Variants in CLCA4 observed in about 807,000 individuals in gnomAD.
CLCA4 encodes the protein chloride channel accessory 4.
Under a neutral mutation model 78.9 loss-of-function variants are expected in CLCA4, and 69 were observed. The observed-to-expected ratio is 0.87, with a 90% CI of 0.72 to 1.07. CLCA4 has a LOEUF of 1.07. Among genes scored for constraint, CLCA4 ranks in the 50% least tolerant of loss-of-function variants. The pLI, the probability that CLCA4 is intolerant of heterozygous loss-of-function variation, is 0.00. For missense variants in CLCA4, 1,133 were observed against 1,095.8 expected (o/e 1.03, Z -0.48); for synonymous variants, 362 against 375.8 (o/e 0.96, Z 0.42).
intron 13 of CLCA4, 60 bp from the exon 14 acceptor site, chr1:86,579,882 A>T: frequency 8.9e-7 from 1 of 1,123,112 alleles, no homozygotes; most frequent in Non-Finnish European, 1.3e-6. Flanking sequence ...GAGAATAAAT[A>T]AAAAGGAATG....
rs569527875 is a variant in CLCA4 at position 86,552,360 on chromosome 1, G to A, written c.159+5082G>A. Among the ~76,000 whole-genome samples, 29 of 152,346 alleles carry A rather than the reference G, an allele frequency of 1.9e-4. No homozygotes were observed. The South Asian group carries it at 5.6e-3, about 29-fold the overall frequency. Reference sequence around the variant, plus strand: ...AAAGAGAGACGAAGGGCCCAGGGCTGTAAGGACGTCAGGACCGGTCCAGAG... The same window carrying A: ...AAAGAGAGACGAAGGGCCCAGGGCTATAAGGACGTCAGGACCGGTCCAGAG... On this transcript the variant is annotated intron_variant, in intron 1 of 13. Transcript: ENST00000370563.
chr1:86,579,285 G>T (rs1650629945), intron 12 of CLCA4, 69 bp from the exon 13 acceptor site: 1 of 1,129,816 alleles, frequency 8.9e-7, no homozygotes, highest in African/African-American at 1.5e-5. Flanking sequence ...AAGTGAAGAA[G>T]GTGATTCACT....
At chr1:86,560,580 C>A (rs1186742852) in intron 3 of CLCA4, among the ~76,000 whole-genome samples, 1 of 152,164 alleles carries the variant, frequency 6.6e-6, no homozygotes, top group African/African-American at 2.4e-5. Context: ...ATTTGTTCTA[C>A]ATTAAACTAG....
rs1046456854 is a variant in CLCA4 at position 86,567,662 on chromosome 1, T to C, written c.1182+11T>C. 4 of 1,602,022 alleles carry C rather than the reference T, an allele frequency of 2.5e-6. No homozygotes were observed. Among genetic ancestry groups the C allele is most frequent in the African/African-American group, 1.3e-5 (1 of 74,550 alleles). On this transcript the variant is annotated intron_variant, in intron 7 of 13. Transcript: ENST00000370563. ...AAATATGCATTTCAGGTGAAAATCG[T>C]ACTGCAAATATATTTTGGTTTTTGT... is the stretch of plus-strand genomic sequence containing the variant.
intron 6 of CLCA4, among the ~76,000 whole-genome samples, chr1:86,566,403 C>T (rs1650191638): frequency 1.3e-5 from 2 of 152,078 alleles, no homozygotes; most frequent in South Asian, 4.1e-4. Context: ...ATGTCTTATT[C>T]ATCTTTATCC....
rs1474756793 is a variant in CLCA4, at chr1:86,560,026, A to G, written c.254A>G (p.Lys85Arg). The G allele has an allele frequency of 6.2e-7, 1 of 1,609,186 alleles. No homozygotes were observed. Among genetic ancestry groups the G allele is most frequent in the African/African-American group, 1.3e-5 (1 of 74,746 alleles). Residue 85 changes from lysine to arginine, a missense_variant, in exon 2 of 14, where the codon AAG becomes AGG. Physicochemically the swap from Lys to Arg is conservative, Grantham distance 26 (BLOSUM62 2). Coordinates refer to ENST00000370563, the MANE Select transcript of CLCA4 (RefSeq NM_012128.4). ...TCTATATTAATTCCTGAGAATTGGA[A>G]GGAAAATCCTCAGTACAAAAGGCCA... ...NVSILIPENW[K>R]ENPQYKRPKH...
In CLCA4 at chr1:86,560,039, G is replaced by A. The variant is rs1182879742; in HGVS notation, c.267G>A (p.Gln89=). ...CTGAGAATTGGAAGGAAAATCCTCA[G>A]TACAAAAGGCCAAAACATGAAAACC... ...LIPENWKENP[Q]YKRPKHENHK... The change falls in exon 2 of 14, where the codon CAG becomes CAA. Residue 89 remains glutamine (Q), a synonymous_variant. Transcript: ENST00000370563. 2 of 1,600,640 alleles carry A rather than the reference G, an allele frequency of 1.2e-6. No homozygotes were observed.
chr1:86,551,047 G>C (rs1264278936), intron 1 of CLCA4, among the ~76,000 whole-genome samples: 1 of 151,858 alleles, frequency 6.6e-6, no homozygotes, highest in African/African-American at 2.4e-5. Context: ...TAGCCAGGAT[G>C]GTCTCAATCT....
chr1:86,558,376 G>A (rs1034565029), intron 1 of CLCA4, among the ~76,000 whole-genome samples: 1 of 152,116 alleles, frequency 6.6e-6, no homozygotes, highest in African/African-American at 2.4e-5. Context: ...CTTCTTTCAA[G>A]ATCTCTTGTC....
chr1:86,552,917 C>T, intron 1 of CLCA4: 1 of 667,574 alleles, frequency 1.5e-6, no homozygotes, highest in Non-Finnish European at 2.7e-6. Flanking sequence ...CCCAGACGCT[C>T]CTCCCTCTGC....
intron 6 of CLCA4, among the ~76,000 whole-genome samples, chr1:86,567,092 C>T (rs1650217313): frequency 6.6e-6 from 1 of 151,822 alleles, no homozygotes; most frequent in Admixed American, 6.6e-5. Flanking sequence ...AGCACAGGAG[C>T]TCCCAAGAGT....
chr1:86,579,415 G>A lies in CLCA4; in HGVS notation c.2184G>A (p.Glu728=), dbSNP rs1235014255. The change falls in exon 13 of 14, where the codon GAG becomes GAA. Residue 728 remains glutamate (E), a synonymous_variant. Transcript: ENST00000370563. ...EIDEDTQTTL[E]DFSRTASGGA... is the part of the protein sequence containing the mutation. ...ATGAGGATACTCAGACCACCTTGGA[G>A]GATTTCAGCCGAACAGCATCCGGAG... 2.5e-6 allele frequency: 4 copies of A among 1,613,214 alleles called. No individual in the cohort carries two copies. Among genetic ancestry groups the A allele is most frequent in the African/African-American group, 1.3e-5 (1 of 74,856 alleles).
At position 86,578,087 on chromosome 1, in the gene CLCA4, A is replaced by T; in HGVS notation, c.2122+15A>T. On this transcript the variant is annotated intron_variant, in intron 12 of 13. Coordinates refer to ENST00000370563, the MANE Select transcript of CLCA4 (RefSeq NM_012128.4). Reference sequence around the variant, plus strand: ...GGTAGTGAACGGTGAGTAACTCATGATATTTATAATCCAGTGATAGTTTGA... The same window carrying T: ...GGTAGTGAACGGTGAGTAACTCATGTTATTTATAATCCAGTGATAGTTTGA... 6.2e-7 allele frequency: 1 copy of T among 1,600,530 alleles called. No homozygotes were observed. Among genetic ancestry groups the T allele is most frequent in the African/African-American group, 1.3e-5 (1 of 74,544 alleles).
At chr1:86,579,211 G>A (rs1356311625) in intron 12 of CLCA4, 143 bp from the exon 13 acceptor site, 33 of 646,900 alleles carry the variant, frequency 5.1e-5, no homozygotes, top group Middle Eastern at 3.6e-4. Context: ...CCAGTTGGGC[G>A]CTTATGATTG....
chr1:86,572,413 G>A (rs1650375110), intron 8 of CLCA4, among the ~76,000 whole-genome samples: 1 of 151,932 alleles, frequency 6.6e-6, no homozygotes, highest in Admixed American at 6.6e-5. Flanking sequence ...TGATAATGAG[G>A]TATTATGGTA....
intron 1 of CLCA4, chr1:86,552,595 G>T (rs1469436423): frequency 3.2e-6 from 2 of 620,780 alleles, no homozygotes; most frequent in Non-Finnish European, 5.8e-6. Context: ...GTCAGACACA[G>T]CTGCGAGCGC....
In CLCA4 at chr1:86,572,607, A is replaced by AT; in HGVS notation, c.1361-3dup. The AT allele has an allele frequency of 6.5e-7, 1 of 1,544,588 alleles. No individual in the cohort carries two copies. ...AAAGCAGTCTAATTAATGCATTTAC[A>AT]TTTTAGGAGGAAGTCATTTTTATGT... is the stretch of plus-strand genomic sequence containing the variant. On this transcript the variant is annotated splice_polypyrimidine_tract_variant and splice_region_variant and intron_variant, in intron 8 of 13. Coordinates refer to ENST00000370563, the MANE Select transcript of CLCA4 (RefSeq NM_012128.4).
intron 3 of CLCA4, among the ~76,000 whole-genome samples, chr1:86,561,248 T>A (rs1650008454): frequency 6.6e-6 from 1 of 152,212 alleles, no homozygotes; most frequent in African/African-American, 2.4e-5. Flanking sequence ...CCTCTAATCC[T>A]TTGTGCCCTT....
intron 11 of CLCA4, 143 bp downstream of exon 11, chr1:86,575,742 C>G: frequency 1.3e-6 from 1 of 760,708 alleles, no homozygotes; most frequent in Middle Eastern, 3.8e-4. Flanking sequence ...GAAATTTTAT[C>G]TAGGTAAAAC....
Sources: gnomAD v4.1 joint callset for allele counts (sites outside exome capture counted in the v4.1 genomes callset) on GRCh38, gnomAD v4.1.1 for gene constraint, MANE v1.5 for transcripts, NCBI Gene and HGNC (gene_info 2026-07-23, HGNC 2026-07-21) for gene names.